AXIN1: variants seen among roughly 807,000 people sequenced by gnomAD.
AXIN1 encodes axin 1.
In AXIN1, 30 loss-of-function variants were observed where a neutral mutation model predicts 76.4. The observed-to-expected ratio is 0.39, with a 90% confidence interval of 0.29 to 0.53. The LOEUF is 0.53. AXIN1 is among the 20% of genes least tolerant of loss of function. The pLI is 0.66. For missense variants in AXIN1, 1,140 were observed against 1,198.8 expected (o/e 0.95, Z 0.72); for synonymous variants, 545 against 501.4 (o/e 1.09, Z -1.16).
At chr16:305,583 A>G (rs1150189) in intron 4 of AXIN1, among the ~76,000 whole-genome samples, 64,442 of 151,740 alleles carry the variant, frequency 0.42, 14,814 homozygotes, top group African/African-American at 0.6. Flanking sequence ...TCGCTCTGTC[A>G]CCCAGGCTGG....
rs397722732 is a variant in AXIN1, at chr16:320,743, A to ATATTTTTT, written c.879-6061_879-6060insAAAAAATA. 1.2e-3 allele frequency among the ~76,000 whole-genome samples: 128 copies of ATATTTTTT among 107,604 alleles called. 1 individual carries two copies. Among genetic ancestry groups the ATATTTTTT allele is most frequent in the African/African-American group, 5.6e-3 (122 of 21,752 alleles). 70.6% of individuals were successfully genotyped at this position (107,604 alleles called of 152,430 possible). A position where few individuals can be genotyped will look rare whatever the true frequency, so the allele number is the denominator to read the frequency against. On this transcript the variant is annotated intron_variant, in intron 2 of 10. Transcript: ENST00000262320. ...TGTGTGTATATATATATATATATAT[A>ATATTTTTT]TTTTTTTTTTTTTTGAGACGGAGCC...
At chr16:317,345 C>A (rs1315443276) in intron 2 of AXIN1, among the ~76,000 whole-genome samples, 2 of 152,108 alleles carry the variant, frequency 1.3e-5, no homozygotes, top group South Asian at 4.1e-4. Context: ...TCGCATGGGG[C>A]CAGAACACAC....
Position 293,174 on chromosome 16 carries a change from G to A in AXIN1, c.2186+314C>T, listed in dbSNP as rs986292983. The A allele has an allele frequency of 6.0e-5, 27 of 453,306 alleles. No individual in the cohort carries two copies. Among genetic ancestry groups the A allele is most frequent in the Admixed American group, 1.8e-4 (5 of 27,938 alleles). The allele number at this position is 453,306 out of a possible 1,614,324, so 28.1% of individuals were successfully genotyped here. On this transcript the variant is annotated intron_variant, in intron 8 of 10. Transcript: ENST00000262320. This position sits in a 1 kb window ranked among gnomAD's most constrained non-coding sequence, Gnocchi z 4.6. Reference sequence around the variant, plus strand: ...AGCGAGCAGCCTCTGGCTGGGGACCGGCGTTCCCCACACACTGGGGCCCTG... The same window carrying A: ...AGCGAGCAGCCTCTGGCTGGGGACCAGCGTTCCCCACACACTGGGGCCCTG...
At chr16:328,467 G>A (rs1036813925) in intron 2 of AXIN1, among the ~76,000 whole-genome samples, 7 of 151,754 alleles carry the variant, frequency 4.6e-5, no homozygotes, top group East Asian at 3.9e-4. Context: ...AGGCCGCGGC[G>A]GGCGGATCAC....
intron 2 of AXIN1, among the ~76,000 whole-genome samples, chr16:320,727 A>G (rs921878372): frequency 2.0e-5 from 2 of 97,916 alleles, no homozygotes; most frequent in East Asian, 2.2e-4. Flanking sequence ...GTGTGTGTAT[A>G]TATATATATA....
chr16:297,460 C>A (rs1048897728), intron 6 of AXIN1, among the ~76,000 whole-genome samples: 1 of 152,144 alleles, frequency 6.6e-6, no homozygotes, highest in African/African-American at 2.4e-5. Flanking sequence ...TCTAAACACA[C>A]AGGCAGTCAC....
chr16:291,482 T>C (rs2052559919), intron 8 of AXIN1, 185 bp from the exon 9 acceptor site: 1 of 641,580 alleles, frequency 1.6e-6, no homozygotes. Context: ...GCCTTGGTGG[T>C]ACCCGATACT....
At chr16:312,599 G>A (rs1015607105) in intron 3 of AXIN1, among the ~76,000 whole-genome samples, 2 of 152,232 alleles carry the variant, frequency 1.3e-5, no homozygotes, top group African/African-American at 4.8e-5. Flanking sequence ...GGCAGGCACT[G>A]CTTCAACTCC....
intron 4 of AXIN1, among the ~76,000 whole-genome samples, chr16:308,394 C>A (rs1179393612): frequency 2.0e-5 from 3 of 152,240 alleles, no homozygotes; most frequent in East Asian, 3.8e-4. Flanking sequence ...CTGCCTGATG[C>A]CCCCTCATCC....
intron 3 of AXIN1, among the ~76,000 whole-genome samples, chr16:311,642 G>A (rs1159319356): frequency 6.6e-6 from 1 of 152,044 alleles, no homozygotes; most frequent in African/African-American, 2.4e-5. Flanking sequence ...GTGGTGGCGA[G>A]TGCCTGTAGT....
chr16:293,816 G>A lies in AXIN1; in HGVS notation c.1956-98C>T. ...TCTCACAAGGGCAGCCTCCTTGAGG[G>A]ATAGGATGGGATGGGGCACTGGGGC... is the stretch of plus-strand genomic sequence containing the variant. On this transcript the variant is annotated intron_variant, in intron 7 of 10. Transcript: ENST00000262320. The surrounding 1 kb of genome is among the most constrained non-coding windows in gnomAD (Gnocchi z 4.6). 2 of 1,185,800 alleles carry A rather than the reference G, an allele frequency of 1.7e-6. No homozygotes were observed. The highest frequency in any genetic ancestry group is 2.5e-6 in the Non-Finnish European group (2 of 804,136). The allele number at this position is 1,185,800 out of a possible 1,614,324, so 73.5% of individuals were successfully genotyped here.
At chr16:339,862 C>T (rs964787035) in intron 2 of AXIN1, among the ~76,000 whole-genome samples, 2 of 152,056 alleles carry the variant, frequency 1.3e-5, no homozygotes, top group Non-Finnish European at 2.9e-5. Context: ...CTGGGGGCGA[C>T]CCCACCCTGG....
At position 316,287 on chromosome 16, in the gene AXIN1, T is replaced by C. The variant is rs115333322; in HGVS notation, c.879-1604A>G. Among the ~76,000 whole-genome samples the C allele has an allele frequency of 1.8e-3, 277 of 152,352 alleles. 2 individuals are homozygous for C. Among genetic ancestry groups the C allele is most frequent in the African/African-American group, 6.1e-3 (255 of 41,580 alleles). ...AAAATAATAAAAAATAAATAAAATC[T>C]AGCTCACTCCTTCACATCAAAATGG... is the stretch of plus-strand genomic sequence containing the variant. On this transcript the variant is annotated intron_variant, in intron 2 of 10. Transcript: ENST00000262320.
intron 2 of AXIN1, among the ~76,000 whole-genome samples, chr16:331,068 C>G (rs2053680850): frequency 6.6e-6 from 1 of 152,182 alleles, no homozygotes; most frequent in African/African-American, 2.4e-5. Flanking sequence ...TTACCCAGAA[C>G]CAGGTTGCCG....
chr16:316,749 C>T (rs1042458726), intron 2 of AXIN1, among the ~76,000 whole-genome samples: 1 of 152,214 alleles, frequency 6.6e-6, no homozygotes, highest in African/African-American at 2.4e-5. Flanking sequence ...CCCTTACAAT[C>T]ATTCCATTTG....
chr16:290,959 C>A (rs1243285565), intron 9 of AXIN1: 10 of 590,384 alleles, frequency 1.7e-5, no homozygotes, highest in Non-Finnish European at 3.1e-5. Flanking sequence ...TCCAGCCGGG[C>A]CTTTTGGTCA....
At chr16:310,431 C>T (rs1006938965) in intron 3 of AXIN1, among the ~76,000 whole-genome samples, 2 of 152,120 alleles carry the variant, frequency 1.3e-5, no homozygotes, top group Admixed American at 6.5e-5. Flanking sequence ...GAGTCTCGCT[C>T]TGTCGCCCAG....
intron 2 of AXIN1, among the ~76,000 whole-genome samples, chr16:317,733 C>A (rs1448880464): frequency 6.6e-6 from 1 of 152,204 alleles, no homozygotes; most frequent in Non-Finnish European, 1.5e-5. Context: ...CTTTAAGCAT[C>A]ATGCAGTATT....
At chr16:314,057 G>A (rs978751006) in intron 3 of AXIN1, among the ~76,000 whole-genome samples, 20 of 152,238 alleles carry the variant, frequency 1.3e-4, no homozygotes, top group African/African-American at 4.3e-4. Context: ...AGCCAGTGGT[G>A]AGGCAGCTGG....
Sources: allele counts gnomAD v4.1 joint callset (sites outside exome capture counted in the v4.1 genomes callset), GRCh38; gene constraint gnomAD v4.1.1; non-coding constraint Gnocchi (gnomAD v3.1); transcripts MANE v1.5; gene names NCBI Gene and HGNC (gene_info 2026-07-23, HGNC 2026-07-21).